Variants in ZFHX4 observed in about 807,000 individuals in gnomAD.
ZFHX4 encodes zinc finger homeobox 4.
A neutral mutation model predicts 267.6 loss-of-function variants in ZFHX4; 56 were observed. That is an observed-to-expected ratio of 0.21 (90% CI 0.17 to 0.26). The LOEUF is 0.26. ZFHX4 is among the 10% of genes least tolerant of loss of function. The pLI, the probability that ZFHX4 is intolerant of heterozygous loss-of-function variation, is 1.00. For missense variants in ZFHX4, 4,332 were observed against 4,420.0 expected, an observed-to-expected ratio of 0.98 and a Z score of 0.56; for synonymous variants, 1,778 against 1,665.6, an observed-to-expected ratio of 1.07 and a Z score of -1.64.
chr8:76,805,907 G>GT (rs1213591053), intron 4 of ZFHX4, among the ~76,000 whole-genome samples: 1 of 151,932 alleles, frequency 6.6e-6, no homozygotes, highest in East Asian at 1.9e-4. Context: ...TTCATATATT[G>GT]TAAGATATCT....
At position 76,852,483 on chromosome 8, in the gene ZFHX4, T is replaced by C; in HGVS notation, c.5562T>C (p.Ser1854=). The C allele has an allele frequency of 6.3e-7, 1 of 1,590,342 alleles. No individual in the cohort carries two copies. The highest frequency in any genetic ancestry group is 8.6e-7 in the Non-Finnish European group (1 of 1,167,946). ...GCCAAATCATGAAGGATGTGCCATC[T>C]TATAAGGAGGCAGAAGATATTTCTG... ...ADCQIMKDVP[S]YKEAEDISEK... Residue 1854 remains serine (S), a synonymous_variant, in exon 10 of 11, where the codon TCT becomes TCC. Transcript: ENST00000651372.
Position 76,850,296 on chromosome 8 carries a change from G to C in ZFHX4, c.3898G>C (p.Ala1300Pro). Residue 1300 changes from alanine (A) to proline (P), a missense_variant, in exon 9 of 11, where the codon GCC becomes CCC. Ala to Pro is a conservative substitution (Grantham distance 27, BLOSUM62 -1). Coordinates refer to ENST00000651372, the MANE Select transcript of ZFHX4 (RefSeq NM_024721.5). ...MPNSMLLPAAASEKSERDTPA... is the reference protein window; with the variant it reads ...MPNSMLLPAAPSEKSERDTPA... ...AAACAGTATGCTACTGCCAGCAGCT[G>C]CCTCTGAGAAATCAGAGCGGGACAC... is the stretch of plus-strand genomic sequence containing the variant. 6.2e-7 allele frequency: 1 copy of C among 1,613,336 alleles called. No individual in the cohort carries two copies. Among genetic ancestry groups the C allele is most frequent in the Non-Finnish European group, 8.5e-7 (1 of 1,179,700 alleles).
intron 4 of ZFHX4, among the ~76,000 whole-genome samples, chr8:76,804,092 T>A (rs976100530): frequency 2.6e-5 from 4 of 152,050 alleles, no homozygotes; most frequent in Non-Finnish European, 5.9e-5. Flanking sequence ...TAGAAAATAT[T>A]CAAATGCCTT....
At chr8:76,696,128 T>C (rs1807950066) in intron 1 of ZFHX4, among the ~76,000 whole-genome samples, 1 of 152,198 alleles carries the variant, frequency 6.6e-6, no homozygotes, top group Admixed American at 6.5e-5. Flanking sequence ...ATTTTGCTAC[T>C]TAAAGTATAA....
chr8:76,806,121 C>G (rs1232969674), intron 4 of ZFHX4, among the ~76,000 whole-genome samples: 2 of 152,116 alleles, frequency 1.3e-5, no homozygotes, highest in Non-Finnish European at 2.9e-5. Flanking sequence ...CCTGCACTTT[C>G]TCATGACTCA....
At chr8:76,846,407 C>T (rs1045525421) in intron 6 of ZFHX4, among the ~76,000 whole-genome samples, 5 of 152,008 alleles carry the variant, frequency 3.3e-5, no homozygotes, top group African/African-American at 1.2e-4. Context: ...CTTTAGGAGG[C>T]TCCTGGCTTA....
intron 9 of ZFHX4, 49 bp from the exon 10 acceptor site, chr8:76,850,837 G>C (rs926081526): frequency 2.1e-6 from 3 of 1,438,276 alleles, no homozygotes; most frequent in African/African-American, 2.9e-5. Flanking sequence ...AATATTTAAG[G>C]AGTAGGTTTT....
chr8:76,841,139 C>T (rs1812222889), intron 5 of ZFHX4, among the ~76,000 whole-genome samples: 1 of 152,256 alleles, frequency 6.6e-6, no homozygotes, highest in African/African-American at 2.4e-5. Flanking sequence ...TGTATGGTGC[C>T]TTTGAGGACT....
chr8:76,814,270 G>A (rs1261180415), intron 4 of ZFHX4, among the ~76,000 whole-genome samples: 5 of 152,162 alleles, frequency 3.3e-5, no homozygotes, highest in Admixed American at 1.3e-4. Flanking sequence ...AAACGAAAAA[G>A]AAGCTAAAAC....
At position 76,863,693 on chromosome 8, in the gene ZFHX4, C is replaced by T; in HGVS notation, c.9979C>T (p.Gln3327Ter). 1 of 1,588,052 alleles carries T rather than the reference C, an allele frequency of 6.3e-7. No individual in the cohort carries two copies. Among genetic ancestry groups the T allele is most frequent in the Non-Finnish European group, 8.6e-7 (1 of 1,166,482 alleles). The change falls in exon 11 of 11, where the codon CAG becomes TAG. Residue 3327 changes from glutamine (Q) to a stop codon, truncating the protein, a stop_gained. Transcript: ENST00000651372. LOFTEE classifies it high-confidence loss of function. ...GTACCAACAGTATCAGCAGAACCTG[C>T]AGGAGTCCCTGCAAAAGCAGCAAAA... ...QQYQQYQQNL[Q>*]ESLQKQQKQQ... is the part of the protein sequence containing the mutation.
rs1481593752 is a variant in ZFHX4 at position 76,851,448 on chromosome 8, T to G, written c.4527T>G (p.Ile1509Met). The G allele has an allele frequency of 1.2e-6, 2 of 1,613,840 alleles. No homozygotes were observed. The highest frequency in any genetic ancestry group is 1.7e-5 in the Admixed American group (1 of 60,016). The change falls in exon 10 of 11, where the codon ATT becomes ATG. Residue 1509 changes from isoleucine (I) to methionine (M), a missense_variant. Coordinates refer to ENST00000651372, the MANE Select transcript of ZFHX4 (RefSeq NM_024721.5). ...ASPVGSDSSS[I>M]PDDMGSEPKR... ...CTGTAGGAAGTGATAGTAGCTCTATTCCAGATGACATGGGCTCTGAACCAA... is the reference window on the plus strand; with the variant it reads ...CTGTAGGAAGTGATAGTAGCTCTATGCCAGATGACATGGGCTCTGAACCAA...
At chr8:76,857,211 AAC>A (rs1812753578) in intron 10 of ZFHX4, among the ~76,000 whole-genome samples, 3 of 152,140 alleles carry the variant, frequency 2.0e-5, no homozygotes, top group South Asian at 4.1e-4. Flanking sequence ...CCAAAAATAT[AAC>A]GAAAGTTATA....
At chr8:76,835,253 A>ATATATATATGTATATATATG (rs1491051291) in intron 5 of ZFHX4, among the ~76,000 whole-genome samples, 1 of 136,712 alleles carries the variant, frequency 7.3e-6, no homozygotes, top group Non-Finnish European at 1.6e-5. Context: ...ATATATATAT[A>ATATATATATGTATATATATG]TATATATTCA....
intron 1 of ZFHX4, among the ~76,000 whole-genome samples, chr8:76,699,895 T>G (rs1808058096): frequency 6.6e-6 from 1 of 152,008 alleles, no homozygotes; most frequent in Non-Finnish European, 1.5e-5. Flanking sequence ...ATTTTTTTCA[T>G]CAGTTCTCTG....
chr8:76,739,959 GAA>G (rs1809272103), intron 3 of ZFHX4, among the ~76,000 whole-genome samples: 1 of 152,254 alleles, frequency 6.6e-6, no homozygotes, highest in African/African-American at 2.4e-5. Context: ...ATCATTGAAG[GAA>G]AGTCATGGGG....
chr8:76,698,145 A>T (rs1379078378), intron 1 of ZFHX4, among the ~76,000 whole-genome samples: 1 of 152,136 alleles, frequency 6.6e-6, no homozygotes, highest in East Asian at 1.9e-4. Flanking sequence ...CTTGTCTCAC[A>T]CCAATGCAAA....
At chr8:76,729,124 A>T (rs1409403127) in intron 3 of ZFHX4, among the ~76,000 whole-genome samples, 1 of 152,198 alleles carries the variant, frequency 6.6e-6, no homozygotes, top group African/African-American at 2.4e-5. Context: ...CTTTAATAGG[A>T]CACATACAAT....
chr8:76,807,692 G>C (rs2131838702), intron 4 of ZFHX4, among the ~76,000 whole-genome samples: 1 of 152,274 alleles, frequency 6.6e-6, no homozygotes, highest in African/African-American at 2.4e-5. Flanking sequence ...GCCCTGTTAA[G>C]ATGCCATTCC....
At chr8:76,856,644 T>C (rs1428651909) in intron 10 of ZFHX4, among the ~76,000 whole-genome samples, 1 of 152,192 alleles carries the variant, frequency 6.6e-6, no homozygotes, top group Non-Finnish European at 1.5e-5. Context: ...GCTTAGTATT[T>C]GGTACACATA....
Sources: allele counts gnomAD v4.1 joint callset (sites outside exome capture counted in the v4.1 genomes callset), GRCh38; gene constraint gnomAD v4.1.1; transcripts MANE v1.5; gene names NCBI Gene and HGNC (gene_info 2026-07-23, HGNC 2026-07-21).